Variants in PALLD observed in about 807,000 individuals in gnomAD.
The protein encoded by PALLD is palladin.
PALLD carries 61 observed loss-of-function variants against 123.5 expected under a neutral mutation model. The ratio of observed to expected loss-of-function variants is 0.49; its 90% CI spans 0.40 to 0.61. The LOEUF (loss-of-function observed/expected upper bound fraction) is 0.61, where lower values mean the gene tolerates loss of function less well. Among genes scored for constraint, PALLD ranks in the 20% least tolerant of loss-of-function variants. The probability of loss-of-function intolerance (pLI) is 0.00; values close to 1 mark genes in which losing one functional copy is unlikely to be tolerated. For synonymous variants in PALLD, 465 were observed against 496.4 expected, an observed-to-expected ratio of 0.94 and a Z score of 0.84; for missense variants, 1,273 against 1,377.0, an observed-to-expected ratio of 0.92 and a Z score of 1.20.
intron 10 of PALLD, among the ~76,000 whole-genome samples, chr4:168,753,677 C>T (rs1354495623): frequency 6.6e-6 from 1 of 152,172 alleles, no homozygotes; most frequent in Non-Finnish European, 1.5e-5. Flanking sequence ...TGATAGGATG[C>T]TCACTCATCA....
At chr4:168,895,708 A>G (rs78739667) in intron 12 of PALLD, among the ~76,000 whole-genome samples, 3,752 of 152,332 alleles carry the variant, frequency 0.025, 151 homozygotes, top group African/African-American at 0.086. Context: ...GGGGTTGCAG[A>G]AGCGGAAGAA....
At chr4:168,646,844 T>C (rs1777507010) in intron 2 of PALLD, among the ~76,000 whole-genome samples, 1 of 152,246 alleles carries the variant, frequency 6.6e-6, no homozygotes, top group African/African-American at 2.4e-5. Context: ...CTTCATGACA[T>C]GTACCTTTAT....
At chr4:168,862,705 TAAAA>T (rs1749671277) in intron 10 of PALLD, among the ~76,000 whole-genome samples, 1 of 152,064 alleles carries the variant, frequency 6.6e-6, no homozygotes. Context: ...TCAGCTGAAA[TAAAA>T]AGGGTTACAA....
chr4:168,790,912 T>A (rs1340924093), intron 10 of PALLD, among the ~76,000 whole-genome samples: 1 of 152,214 alleles, frequency 6.6e-6, no homozygotes, highest in Non-Finnish European at 1.5e-5. Context: ...GATCACTGAC[T>A]CTTACCACCC....
intron 2 of PALLD, among the ~76,000 whole-genome samples, chr4:168,632,402 A>G (rs1775925416): frequency 6.6e-6 from 1 of 152,200 alleles, no homozygotes; most frequent in Non-Finnish European, 1.5e-5. Context: ...GTCTAGCTGG[A>G]AACACTTTGT....
chr4:168,612,610 C>T (rs546268919), intron 2 of PALLD, among the ~76,000 whole-genome samples: 10 of 151,992 alleles, frequency 6.6e-5, no homozygotes, highest in African/African-American at 1.9e-4. Context: ...TGCCCCCAAA[C>T]GTAAGGTGAA....
intron 2 of PALLD, among the ~76,000 whole-genome samples, chr4:168,597,699 T>C (rs1772136599): frequency 6.6e-6 from 1 of 152,150 alleles, no homozygotes; most frequent in Non-Finnish European, 1.5e-5. Flanking sequence ...TTCTTTTAGT[T>C]TCACAACTTA....
chr4:168,571,232 C>T (rs1343910404), intron 2 of PALLD, among the ~76,000 whole-genome samples: 3 of 152,144 alleles, frequency 2.0e-5, no homozygotes, highest in African/African-American at 4.8e-5. Flanking sequence ...ATTTATTCTG[C>T]ACCACATGCT....
chr4:168,756,881 C>G (rs974840785), intron 10 of PALLD, among the ~76,000 whole-genome samples: 15 of 152,128 alleles, frequency 9.9e-5, no homozygotes, highest in Non-Finnish European at 2.2e-4. Flanking sequence ...TAAGAACCGG[C>G]CTTGAAGCAC....
At chr4:168,868,043 T>A (rs1750562840) in intron 10 of PALLD, among the ~76,000 whole-genome samples, 1 of 152,146 alleles carries the variant, frequency 6.6e-6, no homozygotes, top group Admixed American at 6.5e-5. Context: ...CTGCTTTTTA[T>A]GTACTGGCTT....
Position 168,511,695 on chromosome 4 carries a change from T to C in PALLD, c.191T>C (p.Ile64Thr), listed in dbSNP as rs1292544454. ...GAAGATTTTGACTCGGAAAAGGAGATCTCGCAGATTTTCAGTACTTCTCCT... is the reference window on the plus strand; with the variant it reads ...GAAGATTTTGACTCGGAAAAGGAGACCTCGCAGATTTTCAGTACTTCTCCT... Reference protein sequence around the residue: ...ETEDFDSEKEISQIFSTSPAS... With the variant: ...ETEDFDSEKETSQIFSTSPAS... Residue 64 changes from isoleucine (I) to threonine (T), a missense_variant, in exon 2 of 22, where the codon ATC becomes ACC. Transcript: ENST00000505667. 3.1e-6 allele frequency: 5 copies of C among 1,613,996 alleles called. No homozygotes were observed. The Admixed American group carries it at 8.3e-5, about 27-fold the overall frequency.
chr4:168,812,510 A>G (rs2150748365), intron 10 of PALLD, among the ~76,000 whole-genome samples: 2 of 152,334 alleles, frequency 1.3e-5, no homozygotes, highest in Middle Eastern at 3.4e-3. Flanking sequence ...AGTTTAGCAA[A>G]GAAGCCTCCA....
chr4:168,830,520 A>G (rs1015418506), intron 10 of PALLD, among the ~76,000 whole-genome samples: 1 of 119,272 alleles, frequency 8.4e-6, no homozygotes, highest in Non-Finnish European at 1.8e-5. Flanking sequence ...ACAGAGTGAG[A>G]CCCTGTCTCA....
At chr4:168,725,992 C>T (rs1367542524) in intron 10 of PALLD, among the ~76,000 whole-genome samples, 1 of 152,186 alleles carries the variant, frequency 6.6e-6, no homozygotes, top group African/African-American at 2.4e-5. Flanking sequence ...AAAGGGCATC[C>T]TCTAACTCAA....
At chr4:168,589,013 G>A (rs1186628355) in intron 2 of PALLD, among the ~76,000 whole-genome samples, 1 of 152,156 alleles carries the variant, frequency 6.6e-6, no homozygotes, top group Non-Finnish European at 1.5e-5. Context: ...CTTAAGGCCA[G>A]GGGTATCTGT....
chr4:168,924,275 C>A lies in PALLD; in HGVS notation c.3079C>A (p.Pro1027Thr). Residue 1027 changes from proline to threonine, a missense_variant, in exon 19 of 22, where the codon CCT (proline) becomes ACT (threonine). By Grantham distance (38) the Pro-to-Thr change is conservative. Coordinates refer to ENST00000505667, the MANE Select transcript of PALLD (RefSeq NM_001166108.2). ...CTTAGCTAAAGAAGCACACAAACCC[C>A]CTGTGTTTATTGAGAAGCTCCAAAA... is the stretch of plus-strand genomic sequence containing the variant. ...VVAAKEAHKP[P>T]VFIEKLQNTG... The A allele has an allele frequency of 1.2e-6, 2 of 1,613,946 alleles. No individual in the cohort carries two copies. The highest frequency in any genetic ancestry group is 1.7e-6 in the Non-Finnish European group (2 of 1,179,876).
At chr4:168,589,215 C>G (rs1771154084) in intron 2 of PALLD, among the ~76,000 whole-genome samples, 1 of 152,208 alleles carries the variant, frequency 6.6e-6, no homozygotes, top group African/African-American at 2.4e-5. Context: ...AGTTATCACT[C>G]TGATCCACGT....
At chr4:168,874,279 G>A (rs970396132) in intron 10 of PALLD, among the ~76,000 whole-genome samples, 4 of 152,062 alleles carry the variant, frequency 2.6e-5, no homozygotes, top group Non-Finnish European at 5.9e-5. Context: ...TTTTTAGTGT[G>A]GTTAACTTTT....
chr4:168,508,697 GA>G (rs1256209219), intron 1 of PALLD, among the ~76,000 whole-genome samples: 1 of 152,096 alleles, frequency 6.6e-6, no homozygotes, highest in Non-Finnish European at 1.5e-5. Flanking sequence ...TTCTTTCAAA[GA>G]AAAATAAATT....
Sources: gnomAD v4.1 joint callset for allele counts (sites outside exome capture counted in the v4.1 genomes callset) on GRCh38, gnomAD v4.1.1 for gene constraint, MANE v1.5 for transcripts, NCBI Gene and HGNC (gene_info 2026-07-23, HGNC 2026-07-21) for gene names.